DRC8: variants seen among roughly 807,000 people sequenced by gnomAD.
DRC8 encodes the protein dynein regulatory complex subunit 8.
chr1:245,079,536 G>A, the DRC8 span, among the ~76,000 whole-genome samples: 2 of 152,324 alleles, frequency 1.3e-5, no homozygotes, highest in Non-Finnish European at 2.9e-5. Context: ...AGCGATATGA[G>A]GCGTATATTA....
the DRC8 span, among the ~76,000 whole-genome samples, chr1:245,049,807 A>AG: frequency 6.6e-6 from 1 of 152,164 alleles, no homozygotes; most frequent in Admixed American, 6.5e-5. This position sits in a 1 kb window ranked among gnomAD's most constrained non-coding sequence, Gnocchi z 4.5. Flanking sequence ...CAGCAGTCGC[A>AG]GTGGCAGGTA....
At chr1:244,981,783 CTGG>C in the DRC8 span, among the ~76,000 whole-genome samples, 2 of 152,148 alleles carry the variant, frequency 1.3e-5, no homozygotes, top group Non-Finnish European at 1.5e-5. Context: ...CGGGGTTATT[CTGG>C]TGAAGAGCCA....
the DRC8 span, among the ~76,000 whole-genome samples, chr1:244,987,161 A>C: frequency 1.3e-5 from 2 of 152,050 alleles, no homozygotes; most frequent in Admixed American, 1.3e-4. Flanking sequence ...ATGAAAGCAC[A>C]GATTAACATA....
chr1:245,018,909 C>T, the DRC8 span, among the ~76,000 whole-genome samples: 5 of 152,270 alleles, frequency 3.3e-5, 1 homozygote, highest in Non-Finnish European at 5.9e-5. Flanking sequence ...GTTTCTCTAA[C>T]GCCAAGTCTC....
chr1:245,084,273 G>T, the DRC8 span, among the ~76,000 whole-genome samples: 1 of 151,822 alleles, frequency 6.6e-6, no homozygotes, highest in African/African-American at 2.4e-5. Flanking sequence ...AGTAGAGATG[G>T]GTTTCACCAT....
chr1:244,970,415 C>T, the DRC8 span: 1 of 1,538,836 alleles, frequency 6.5e-7, no homozygotes, highest in Non-Finnish European at 8.7e-7. Context: ...GGCTCCGCAG[C>T]AAGATGGCGG....
chr1:244,970,438 G>A, the DRC8 span: 4 of 1,533,542 alleles, frequency 2.6e-6, no homozygotes, highest in South Asian at 3.6e-5. Flanking sequence ...GAGAAGGACA[G>A]GGAAGGTAAG....
the DRC8 span, among the ~76,000 whole-genome samples, chr1:245,076,681 T>C: frequency 1.8e-4 from 27 of 152,308 alleles, no homozygotes; most frequent in African/African-American, 5.8e-4. Flanking sequence ...TAGGTCCCAA[T>C]TGCACCATTT....
chr1:244,971,114 G>A, the DRC8 span: 19 of 152,738 alleles, frequency 1.2e-4, 1 homozygote, highest in Admixed American at 1.2e-3. Flanking sequence ...CGGTCTGGAG[G>A]TCACAGCCGC....
At chr1:244,985,076 G>GTTTTGT in the DRC8 span, among the ~76,000 whole-genome samples, 1 of 130,806 alleles carries the variant, frequency 7.6e-6, no homozygotes, top group African/African-American at 3.1e-5. Context: ...TGTCTCCAGG[G>GTTTTGT]TTTTTTTTTT....
At chr1:244,970,132 C>A in the DRC8 span, 1 of 681,106 alleles carries the variant, frequency 1.5e-6, no homozygotes, top group East Asian at 2.9e-5. Flanking sequence ...CATGCTAGGC[C>A]CGGGACAAGT....
At chr1:245,087,698 A>T in the DRC8 span, 1 of 1,026,224 alleles carries the variant, frequency 9.7e-7, no homozygotes, top group Non-Finnish European at 1.2e-6. Flanking sequence ...AAGGTTTGGC[A>T]TGTAAAGATC....
At chr1:245,012,174 T>A in the DRC8 span, among the ~76,000 whole-genome samples, 4 of 152,316 alleles carry the variant, frequency 2.6e-5, no homozygotes, top group Non-Finnish European at 4.4e-5. Context: ...GCACACTTTT[T>A]AAAATATGCA....
At chr1:245,107,758 C>A in the DRC8 span, among the ~76,000 whole-genome samples, 1 of 152,154 alleles carries the variant, frequency 6.6e-6, no homozygotes, top group Non-Finnish European at 1.5e-5. Flanking sequence ...AAAGCAGCCC[C>A]TTTTTCAGAG....
chr1:245,040,229 T>C, the DRC8 span, among the ~76,000 whole-genome samples: 1 of 152,176 alleles, frequency 6.6e-6, no homozygotes, highest in Non-Finnish European at 1.5e-5. Flanking sequence ...CTTAGGCCTT[T>C]CCCAACACAG....
the DRC8 span, among the ~76,000 whole-genome samples, chr1:244,996,857 A>G: frequency 6.6e-6 from 1 of 152,192 alleles, no homozygotes; most frequent in African/African-American, 2.4e-5. Flanking sequence ...TTCTCCATGC[A>G]GTCACCCCTT....
chr1:245,097,097 G>A, the DRC8 span, among the ~76,000 whole-genome samples: 1 of 152,178 alleles, frequency 6.6e-6, no homozygotes, highest in African/African-American at 2.4e-5. The surrounding 1 kb of genome is among the most constrained non-coding windows in gnomAD (Gnocchi z 5.0). Flanking sequence ...TTTATAGGAT[G>A]TCCGGGAGTA....
chr1:245,041,844 A>G, the DRC8 span, among the ~76,000 whole-genome samples: 9 of 152,156 alleles, frequency 5.9e-5, no homozygotes, highest in Non-Finnish European at 1.2e-4. Flanking sequence ...GTGAGGGCAC[A>G]GGGAGAAAAA....
the DRC8 span, among the ~76,000 whole-genome samples, chr1:244,974,416 G>A: frequency 6.6e-6 from 1 of 152,216 alleles, no homozygotes; most frequent in East Asian, 1.9e-4. Context: ...TACTATTTTT[G>A]TTTCTATTAA....
Sources: gnomAD v4.1 joint callset for allele counts (sites outside exome capture counted in the v4.1 genomes callset) on GRCh38, gnomAD v4.1.1 for gene constraint, Gnocchi (gnomAD v3.1) non-coding constraint, MANE v1.5 for transcripts, NCBI Gene and HGNC (gene_info 2026-07-23, HGNC 2026-07-21) for gene names.